SEM1: variants seen among roughly 807,000 people sequenced by gnomAD.
The protein encoded by SEM1 is SEM1 26S proteasome subunit, also known as 26S proteasome complex subunit SEM1.
SEM1 carries 3 observed loss-of-function variants against 12.7 expected under a neutral mutation model. The ratio of observed to expected loss-of-function variants is 0.24; its 90% CI spans 0.11 to 0.61. The LOEUF (loss-of-function observed/expected upper bound fraction) is 0.61. Among genes scored for constraint, SEM1 ranks in the 20% least tolerant of loss-of-function variants. The pLI is 0.88. For missense variants in SEM1, 59 were observed against 81.3 expected, an observed-to-expected ratio of 0.73 and a Z score of 1.06; for synonymous variants, 30 against 27.8, an observed-to-expected ratio of 1.08 and a Z score of -0.25.
chr7:96,540,623 C>A (rs994726033), intron 2 of SEM1, among the ~76,000 whole-genome samples: 2 of 151,728 alleles, frequency 1.3e-5, no homozygotes, highest in Admixed American at 6.6e-5. Flanking sequence ...AAAATAATTT[C>A]AACTTCTATT....
At chr7:96,575,520 T>C (rs4618630) in intron 2 of SEM1, among the ~76,000 whole-genome samples, 145,965 of 152,286 alleles carry the variant, frequency 0.96, 70,163 homozygotes, top group Non-Finnish European at 0.99. Context: ...CTGCTCTGTT[T>C]ATAGACAGCA....
intron 2 of SEM1, chr7:96,484,981 A>T (rs1468787616): frequency 6.1e-6 from 3 of 490,372 alleles, no homozygotes; most frequent in Non-Finnish European, 1.1e-5. Flanking sequence ...GACAAAAAGC[A>T]TTTATTAAGT....
intron 2 of SEM1, among the ~76,000 whole-genome samples, chr7:96,659,913 C>CAAAAAAAAAAAAAAAA (rs71529826): frequency 3.0e-4 from 20 of 66,714 alleles, no homozygotes; most frequent in East Asian, 1.4e-3. Context: ...AGTAAGATGG[C>CAAAAAAAAAAAAAAAA]AAAAAAAAAA....
intron 2 of SEM1, among the ~76,000 whole-genome samples, chr7:96,547,405 T>G (rs1048913090): frequency 2.0e-5 from 3 of 152,170 alleles, no homozygotes; most frequent in East Asian, 3.9e-4. Flanking sequence ...GTCAGTTTAG[T>G]CCCATGCCAT....
At chr7:96,533,165 A>C (rs1804689124) in intron 2 of SEM1, among the ~76,000 whole-genome samples, 1 of 152,054 alleles carries the variant, frequency 6.6e-6, no homozygotes, top group Non-Finnish European at 1.5e-5. Flanking sequence ...TAACACTGTC[A>C]CGTCAGCTCA....
At chr7:96,652,001 C>T (rs1401520266) in intron 2 of SEM1, among the ~76,000 whole-genome samples, 1 of 152,144 alleles carries the variant, frequency 6.6e-6, no homozygotes, top group Non-Finnish European at 1.5e-5. Context: ...CATGTTGCCA[C>T]TTGTCATTGT....
chr7:96,568,274 A>T (rs1265935805), intron 2 of SEM1, among the ~76,000 whole-genome samples: 1 of 151,814 alleles, frequency 6.6e-6, no homozygotes, highest in Admixed American at 6.6e-5. Flanking sequence ...ATGCATGAAG[A>T]TAAGCAAAGA....
At chr7:96,482,147 C>T (rs1802566307) in exon 4 of SEM1, 1 of 152,036 alleles carries the variant, frequency 6.6e-6, no homozygotes, top group Admixed American at 6.6e-5. Flanking sequence ...CATCATAATC[C>T]CTGATTTTTA....
chr7:96,701,987 C>T (rs1390894580), intron 1 of SEM1, among the ~76,000 whole-genome samples: 1 of 151,906 alleles, frequency 6.6e-6, no homozygotes, highest in Non-Finnish European at 1.5e-5. Context: ...CTGGACAGAA[C>T]GAAGTCACCC....
chr7:96,549,900 C>T lies in SEM1; in HGVS notation c.171-43202G>A, dbSNP rs562490394. Among the ~76,000 whole-genome samples the T allele has an allele frequency of 5.1e-4, 78 of 152,056 alleles. No individual in the cohort carries two copies. The South Asian group carries it at 0.016, about 30-fold the overall frequency. ...CTTTTACCTATGCACAATAGCATTT[C>T]GGCTATGTAACTAAATGGTATTACT... On this transcript the variant is annotated intron_variant and NMD_transcript_variant, in intron 2 of 3. Transcript: ENST00000466986.
chr7:96,528,447 C>T (rs1804539511), intron 2 of SEM1, among the ~76,000 whole-genome samples: 1 of 152,120 alleles, frequency 6.6e-6, no homozygotes, highest in Non-Finnish European at 1.5e-5. Flanking sequence ...CCGCCTCAGC[C>T]TCCCAAAATG....
chr7:96,629,451 T>C (rs1192007890), intron 2 of SEM1, among the ~76,000 whole-genome samples: 2 of 151,978 alleles, frequency 1.3e-5, no homozygotes, highest in Non-Finnish European at 2.9e-5. Context: ...AATTCTTCAG[T>C]ATGCCAAATT....
rs796785650 is a variant in SEM1, at chr7:96,545,458, GA to G, written c.171-38761del. Among the ~76,000 whole-genome samples, 95 of 149,248 alleles carry G rather than the reference GA, an allele frequency of 6.4e-4. 1 individual carries two copies. Among genetic ancestry groups the G allele is most frequent in the African/African-American group, 2.0e-3 (83 of 40,748 alleles). The stretch of plus-strand genomic sequence containing the variant: ...CTTGCTAAAACATTCCATATGAGGG[GA>G]AAAAAAAAATTTAAGACCAAGGAAT... On this transcript the variant is annotated intron_variant and NMD_transcript_variant, in intron 2 of 3. Coordinates refer to the SEM1 transcript ENST00000466986.
intron 2 of SEM1, among the ~76,000 whole-genome samples, chr7:96,507,024 CTT>C (rs1201599965): frequency 6.6e-6 from 1 of 151,724 alleles, no homozygotes; most frequent in Non-Finnish European, 1.5e-5. Flanking sequence ...GCCAAAAGGA[CTT>C]AATTACACCT....
chr7:96,671,565 G>A (rs569513906), downstream of SEM1, among the ~76,000 whole-genome samples: 4 of 152,298 alleles, frequency 2.6e-5, no homozygotes, highest in Admixed American at 6.5e-5. Context: ...GATATTGAGC[G>A]TGATGGAAAA....
intron 2 of SEM1, among the ~76,000 whole-genome samples, chr7:96,520,503 C>T (rs1293163492): frequency 2.0e-5 from 3 of 152,122 alleles, no homozygotes; most frequent in Non-Finnish European, 4.4e-5. Flanking sequence ...TCTTTATTTT[C>T]AGTTCACACC....
rs1806878486 is a variant in SEM1 at position 96,593,007 on chromosome 7, A to ATT, written c.171-86310_171-86309insAA. ...CTGTAATTCTCCCATATTAAAAAAA[A>ATT]AAAAAAAAAAAAAGGCACACTTTCT... On this transcript the variant is annotated intron_variant and NMD_transcript_variant, in intron 2 of 3. Transcript: ENST00000466986. Among the ~76,000 whole-genome samples the ATT allele has an allele frequency of 5.3e-5, 8 of 150,756 alleles. No homozygotes were observed. The South Asian group carries it at 8.4e-4, about 16-fold the overall frequency.
At chr7:96,705,776 C>T (rs1790437755) in intron 1 of SEM1, among the ~76,000 whole-genome samples, 1 of 150,946 alleles carries the variant, frequency 6.6e-6, no homozygotes, top group African/African-American at 2.4e-5. Context: ...GCCGAGATTG[C>T]GCCACTGCAC....
chr7:96,585,736 GCTGT>G (rs201660038), intron 2 of SEM1, among the ~76,000 whole-genome samples: 47,025 of 151,874 alleles, frequency 0.31, 7,287 homozygotes, highest in Middle Eastern at 0.32. Flanking sequence ...TTTTCCAGGT[GCTGT>G]CTGTCACCCC....
Sources: allele counts gnomAD v4.1 joint callset (sites outside exome capture counted in the v4.1 genomes callset), GRCh38; gene constraint gnomAD v4.1.1; transcripts MANE v1.5; gene names NCBI Gene and HGNC (gene_info 2026-07-23, HGNC 2026-07-21).